EYA4: variants seen among roughly 807,000 people sequenced by gnomAD.
EYA4 encodes the protein EYA transcriptional coactivator and phosphatase 4.
Under a neutral mutation model 87.9 loss-of-function variants are expected in EYA4, and 31 were observed. That is an observed-to-expected ratio of 0.35 (90% CI 0.27 to 0.48). The LOEUF is 0.48. Among genes scored for constraint, EYA4 ranks in the 20% least tolerant of loss-of-function variants. The pLI is 0.99. For missense variants in EYA4, 678 were observed against 761.4 expected (o/e 0.89, Z 1.29); for synonymous variants, 263 against 270.6 (o/e 0.97, Z 0.28).
chr6:133,406,188 T>C (rs1788695347), intron 3 of EYA4, among the ~76,000 whole-genome samples: 1 of 152,194 alleles, frequency 6.6e-6, no homozygotes, highest in Non-Finnish European at 1.5e-5. Flanking sequence ...CTATCTTAGG[T>C]ATTTTAAGGA....
intron 2 of EYA4, among the ~76,000 whole-genome samples, chr6:133,380,285 C>A (rs1263477358): frequency 6.6e-6 from 1 of 152,130 alleles, no homozygotes; most frequent in East Asian, 1.9e-4. Flanking sequence ...GCCTGTTAAG[C>A]ATTGGTTATA....
At chr6:133,494,211 G>A (rs1797427913) in intron 13 of EYA4, among the ~76,000 whole-genome samples, 1 of 152,122 alleles carries the variant, frequency 6.6e-6, no homozygotes, top group African/African-American at 2.4e-5. Context: ...AGAAAATGTG[G>A]TACATTACAC....
chr6:133,294,904 A>C (rs752459843), intron 2 of EYA4, among the ~76,000 whole-genome samples: 2 of 152,154 alleles, frequency 1.3e-5, no homozygotes, highest in Admixed American at 1.3e-4. Flanking sequence ...TGAAACGTAG[A>C]TGTCAACGTT....
intron 2 of EYA4, among the ~76,000 whole-genome samples, chr6:133,303,122 C>CT (rs1264362589): frequency 6.6e-6 from 1 of 152,068 alleles, no homozygotes; most frequent in East Asian, 1.9e-4. Context: ...TGTTTGTTTA[C>CT]TTGTTCTTGA....
chr6:133,273,671 CT>C (rs1259825786), intron 1 of EYA4, among the ~76,000 whole-genome samples: 6 of 151,786 alleles, frequency 4.0e-5, no homozygotes, highest in Admixed American at 3.3e-4. Flanking sequence ...TTTAATTTTT[CT>C]TTTTTAGAAT....
Position 133,530,222 on chromosome 6 carries a change from A to G in EYA4, c.*1417A>G, listed in dbSNP as rs966785337. The G allele has an allele frequency of 1.7e-5, 17 of 985,290 alleles. No homozygotes were observed. The highest frequency in any genetic ancestry group is 1.9e-5 in the Non-Finnish European group (16 of 829,930). The allele number at this position is 985,290 out of a possible 1,614,324, so 61.0% of individuals were successfully genotyped here. ...CCTGGTTCTCCATCTGAATACATCA[A>G]TGCAGGTTCTCCTCGTAACAGACTT... On this transcript the variant is annotated 3_prime_UTR_variant, in exon 20 of 20. Coordinates refer to ENST00000355286, the MANE Select transcript of EYA4 (RefSeq NM_004100.5).
intron 2 of EYA4, among the ~76,000 whole-genome samples, chr6:133,335,954 A>G (rs1460774118): frequency 1.3e-5 from 2 of 152,200 alleles, no homozygotes; most frequent in African/African-American, 4.8e-5. Flanking sequence ...TAGAGGCATT[A>G]ATAAAGGATA....
chr6:133,295,011 C>T (rs1778846442), intron 2 of EYA4, among the ~76,000 whole-genome samples: 1 of 152,104 alleles, frequency 6.6e-6, no homozygotes. Flanking sequence ...TTGCTAGACT[C>T]TGAATTAATA....
At chr6:133,522,367 C>T (rs1293187124) in intron 17 of EYA4, among the ~76,000 whole-genome samples, 3 of 150,878 alleles carry the variant, frequency 2.0e-5, no homozygotes, top group Admixed American at 6.6e-5. Context: ...ACTACTCTAC[C>T]GTGTATGTAC....
At chr6:133,367,540 G>T (rs1583076837) in intron 2 of EYA4, among the ~76,000 whole-genome samples, 1 of 152,322 alleles carries the variant, frequency 6.6e-6, no homozygotes, top group East Asian at 1.9e-4. Context: ...CAATGGGAAA[G>T]TCACTGCTAT....
intron 2 of EYA4, among the ~76,000 whole-genome samples, chr6:133,376,419 G>T (rs960217799): frequency 4.0e-5 from 6 of 151,820 alleles, no homozygotes; most frequent in Non-Finnish European, 4.4e-5. Context: ...AATTATTAAT[G>T]CTCATTTCAA....
intron 2 of EYA4, among the ~76,000 whole-genome samples, chr6:133,293,963 A>T (rs894359303): frequency 5.0e-5 from 5 of 99,424 alleles, no homozygotes; most frequent in African/African-American, 2.4e-4. Flanking sequence ...AAATATAGAT[A>T]TTATTTTACA....
intron 3 of EYA4, among the ~76,000 whole-genome samples, chr6:133,415,568 CAAT>C (rs1319780361): frequency 6.6e-6 from 1 of 152,114 alleles, no homozygotes; most frequent in Non-Finnish European, 1.5e-5. Flanking sequence ...ACACATGTGC[CAAT>C]TATATTTAAA....
chr6:133,394,951 C>T (rs1054485818), intron 3 of EYA4, among the ~76,000 whole-genome samples: 1 of 152,144 alleles, frequency 6.6e-6, no homozygotes, highest in Non-Finnish European at 1.5e-5. Context: ...GTTGGTCACC[C>T]TGATTTTCTC....
At chr6:133,464,985 T>A (rs1465672462) in intron 10 of EYA4, 127 bp downstream of exon 10, 14 of 661,012 alleles carry the variant, frequency 2.1e-5, no homozygotes, top group Non-Finnish European at 3.7e-5. Flanking sequence ...TATGATAGCA[T>A]TTCAGGATAG....
chr6:133,518,057 C>T (rs1429921807), intron 17 of EYA4, among the ~76,000 whole-genome samples: 4 of 152,078 alleles, frequency 2.6e-5, no homozygotes, highest in Non-Finnish European at 5.9e-5. Flanking sequence ...TAATTGGTGA[C>T]AAGAGAGACC....
chr6:133,520,765 G>T (rs556922698), intron 17 of EYA4, among the ~76,000 whole-genome samples: 1 of 151,924 alleles, frequency 6.6e-6, no homozygotes, highest in South Asian at 2.1e-4. Context: ...CCAAAACAGC[G>T]ATATAGATCA....
At chr6:133,427,667 AT>A (rs1329317548) in intron 3 of EYA4, among the ~76,000 whole-genome samples, 4 of 152,100 alleles carry the variant, frequency 2.6e-5, no homozygotes, top group South Asian at 2.1e-4. Context: ...TTGGAGAACC[AT>A]TTTTTTTAAG....
intron 3 of EYA4, among the ~76,000 whole-genome samples, chr6:133,400,879 G>A (rs959408469): frequency 6.6e-6 from 1 of 152,040 alleles, no homozygotes; most frequent in Non-Finnish European, 1.5e-5. Context: ...TTGCATAACA[G>A]TGGAGAGAAA....
Sources: gnomAD v4.1 joint callset for allele counts (sites outside exome capture counted in the v4.1 genomes callset) on GRCh38, gnomAD v4.1.1 for gene constraint, MANE v1.5 for transcripts, NCBI Gene and HGNC (gene_info 2026-07-23, HGNC 2026-07-21) for gene names.